The following EFCAB8 variants were observed in gnomAD, a reference collection of about 807,000 sequenced individuals.
The protein encoded by EFCAB8 is EF-hand calcium binding domain 8, also known as EF-hand calcium-binding domain-containing protein 8.
In EFCAB8, 100 loss-of-function variants were observed where a neutral mutation model predicts 116.3. That is an observed-to-expected ratio of 0.86 (90% confidence interval 0.73 to 1.02). The LOEUF is 1.02. Among genes scored for constraint, EFCAB8 ranks in the 50% least tolerant of loss-of-function variants. The probability of loss-of-function intolerance (pLI) is 0.00; values close to 1 mark genes in which losing one functional copy is unlikely to be tolerated. For missense variants in EFCAB8, 1,320 were observed against 1,416.9 expected (o/e 0.93, Z 1.10); for synonymous variants, 558 against 567.9 (o/e 0.98, Z 0.25).
chr20:32,872,322 C>T (rs1363677053), intron 3 of EFCAB8, among the ~76,000 whole-genome samples: 2 of 152,132 alleles, frequency 1.3e-5, no homozygotes, highest in African/African-American at 4.8e-5. Flanking sequence ...GTGCATAAGG[C>T]ACAGAGAACA....
chr20:32,904,153 C>A (rs1986561372), intron 11 of EFCAB8, among the ~76,000 whole-genome samples: 1 of 151,946 alleles, frequency 6.6e-6, no homozygotes. Context: ...CCACCATGCC[C>A]AGCTAATTTT....
At position 32,866,963 on chromosome 20, in the gene EFCAB8, G is replaced by A. The variant is rs1409626974; in HGVS notation, c.43-619G>A. On this transcript the variant is annotated intron_variant, in intron 2 of 26. Coordinates refer to ENST00000400522, the MANE Select transcript of EFCAB8 (RefSeq NM_001143967.2). ...TTTGAAGTCTTGCTCTGTTGCCCAG[G>A]CTGGAATGCAGCGGCACAATCTCAG... Among the ~76,000 whole-genome samples, 5 of 150,326 alleles carry A rather than the reference G, an allele frequency of 3.3e-5. No homozygotes were observed. The East Asian group carries it at 7.8e-4, about 24-fold the overall frequency.
chr20:32,930,533 AATG>A lies in EFCAB8; in HGVS notation c.2549_2551del (p.Asn850_Gly851delinsArg). On this transcript the variant is annotated inframe_deletion, in exon 21 of 27. Coordinates refer to ENST00000400522, the MANE Select transcript of EFCAB8 (RefSeq NM_001143967.2). ...GGGGAAGTTCCCTGTGGACCTAGAC[AATG>A]GGGATGTTGTCGTGGGTGCCATGGC... is the stretch of plus-strand genomic sequence containing the variant. 6.4e-7 allele frequency: 1 copy of A among 1,552,310 alleles called. No homozygotes were observed. Among genetic ancestry groups the A allele is most frequent in the Non-Finnish European group, 8.7e-7 (1 of 1,147,110 alleles).
At chr20:32,865,412 A>G (rs543556984) in intron 2 of EFCAB8, among the ~76,000 whole-genome samples, 1 of 152,018 alleles carries the variant, frequency 6.6e-6, no homozygotes, top group South Asian at 2.1e-4. Flanking sequence ...AACTAGAAAG[A>G]TAGGTCAGAG....
intron 3 of EFCAB8, among the ~76,000 whole-genome samples, chr20:32,871,543 A>G (rs1198138086): frequency 6.6e-6 from 1 of 152,130 alleles, no homozygotes; most frequent in Non-Finnish European, 1.5e-5. Context: ...CTTTTTACTG[A>G]ATGTATCTTG....
intron 1 of EFCAB8, among the ~76,000 whole-genome samples, chr20:32,859,533 C>T (rs1194224938): frequency 1.3e-5 from 2 of 152,186 alleles, no homozygotes; most frequent in African/African-American, 2.4e-5. Flanking sequence ...CATGAACATA[C>T]ATAGAACCAC....
chr20:32,875,835 C>T, intron 3 of EFCAB8, 91 bp from the exon 4 acceptor site: 1 of 1,182,974 alleles, frequency 8.5e-7, no homozygotes, highest in Non-Finnish European at 1.2e-6. Flanking sequence ...GTGTGTCCCC[C>T]TCAGCACCCA....
intron 20 of EFCAB8, among the ~76,000 whole-genome samples, chr20:32,923,272 G>A (rs972801457): frequency 6.6e-6 from 1 of 152,074 alleles, no homozygotes; most frequent in Non-Finnish European, 1.5e-5. Flanking sequence ...GATTGCCTGA[G>A]CTCAGGAGTT....
At chr20:32,917,562 C>A in intron 18 of EFCAB8, 57 bp downstream of exon 18, 1 of 1,370,492 alleles carries the variant, frequency 7.3e-7, no homozygotes, top group Non-Finnish European at 9.9e-7. Context: ...GAACCAGAAT[C>A]CTGTGGGGCA....
rs1250506307 is a variant in EFCAB8, at chr20:32,906,567, C to T, written c.1094C>T (p.Ser365Leu). Residue 365 changes from serine to leucine, a missense_variant, in exon 12 of 27, where the codon TCA (serine) becomes TTA (leucine). Ser to Leu is a moderately radical substitution (Grantham distance 145, BLOSUM62 -2). Transcript: ENST00000400522. ...PAKASKKPRLSVLRLRKGILC... is the reference protein window; with the variant it reads ...PAKASKKPRLLVLRLRKGILC... ...TCACTCCTTTGATATTGTAGGTTGT[C>T]AGTGCTGCGTTTAAGGAAAGGGATT... is the stretch of plus-strand genomic sequence containing the variant. 2.8e-6 allele frequency: 2 copies of T among 718,392 alleles called. No homozygotes were observed. The highest frequency in any genetic ancestry group is 2.3e-4 in the Middle Eastern group (1 of 4,356). The allele number at this position is 718,392 out of a possible 1,614,324, so 44.5% of individuals were successfully genotyped here.
intron 22 of EFCAB8, among the ~76,000 whole-genome samples, chr20:32,939,267 T>C (rs1312959852): frequency 7.4e-6 from 1 of 134,524 alleles, no homozygotes; most frequent in Non-Finnish European, 1.6e-5. Context: ...ATATTCTCTC[T>C]CTCTCTCTCC....
chr20:32,935,568 G>T (rs577291390), intron 22 of EFCAB8, among the ~76,000 whole-genome samples: 1 of 150,032 alleles, frequency 6.7e-6, no homozygotes, highest in African/African-American at 2.5e-5. Context: ...GTGCAATGGC[G>T]CAATTGCAGC....
At chr20:32,908,246 C>G in intron 13 of EFCAB8, 29 bp from the exon 14 acceptor site, 1 of 1,249,490 alleles carries the variant, frequency 8.0e-7, no homozygotes, top group Non-Finnish European at 1.0e-6. Context: ...GACCCATGCT[C>G]AGCGTCTTGC....
At chr20:32,892,889 G>A (rs1429080727) in intron 8 of EFCAB8, among the ~76,000 whole-genome samples, 1 of 149,786 alleles carries the variant, frequency 6.7e-6, no homozygotes, top group East Asian at 2.0e-4. Flanking sequence ...GTCCCAGGCT[G>A]GAGTGCAGTG....
intron 23 of EFCAB8, among the ~76,000 whole-genome samples, chr20:32,948,019 A>G (rs80219971): frequency 6.6e-6 from 1 of 152,156 alleles, no homozygotes; most frequent in Non-Finnish European, 1.5e-5. Context: ...GAAGTAAAAA[A>G]TAATAAGGAA....
intron 20 of EFCAB8, among the ~76,000 whole-genome samples, chr20:32,925,948 T>C (rs1310555001): frequency 1.3e-5 from 2 of 152,150 alleles, no homozygotes; most frequent in African/African-American, 4.8e-5. Context: ...AAAGGAATAG[T>C]GTTGGTTACC....
chr20:32,902,149 A>G (rs1409769584), intron 11 of EFCAB8, among the ~76,000 whole-genome samples: 1 of 152,216 alleles, frequency 6.6e-6, no homozygotes, highest in Non-Finnish European at 1.5e-5. Flanking sequence ...AATATTTGGA[A>G]CTAGATATAA....
At chr20:32,926,558 G>C (rs1987680898) in intron 20 of EFCAB8, among the ~76,000 whole-genome samples, 1 of 143,836 alleles carries the variant, frequency 7.0e-6, no homozygotes, top group Admixed American at 7.1e-5. Flanking sequence ...TGTGCACAAT[G>C]TGCAGGTTAG....
At chr20:32,947,837 G>A (rs1181099510) in intron 23 of EFCAB8, among the ~76,000 whole-genome samples, 1 of 151,338 alleles carries the variant, frequency 6.6e-6, no homozygotes, top group Non-Finnish European at 1.5e-5. Flanking sequence ...GGAGGCAGGT[G>A]GGAGGATCAT....
Sources: gnomAD v4.1 joint callset for allele counts (sites outside exome capture counted in the v4.1 genomes callset) on GRCh38, gnomAD v4.1.1 for gene constraint, MANE v1.5 for transcripts, NCBI Gene and HGNC (gene_info 2026-07-23, HGNC 2026-07-21) for gene names.